Variants in ITIH5 observed in about 807,000 individuals in gnomAD.
ITIH5 encodes the protein inter-alpha-trypsin inhibitor heavy chain H5.
Under a neutral mutation model 77.5 loss-of-function variants are expected in ITIH5, and 65 were observed. The observed-to-expected ratio is 0.84, with a 90% CI of 0.69 to 1.03. The LOEUF is 1.03. Among genes scored for constraint, ITIH5 ranks in the 50% least tolerant of loss-of-function variants. ITIH5 has a pLI of 0.00. For missense variants in ITIH5, 1,208 were observed against 1,213.1 expected (o/e 1.00, Z 0.06); for synonymous variants, 525 against 494.3 (o/e 1.06, Z -0.82).
At chr10:7,644,923 T>A (rs184611099) in intron 2 of ITIH5, among the ~76,000 whole-genome samples, 3 of 53,972 alleles carry the variant, frequency 5.6e-5, no homozygotes, top group African/African-American at 1.8e-4. Flanking sequence ...CATATATATA[T>A]CACATATATA....
rs1833699816 is a variant in ITIH5, at chr10:7,630,811, C to CT, written c.652+6416dup. ...TTTTTTAAGAGCATAACCTGATACTCTATCTCTTTCTTTCGTGTTCTTAAC... is the reference window on the plus strand; with the variant it reads ...TTTTTTAAGAGCATAACCTGATACTCTTATCTCTTTCTTTCGTGTTCTTAAC... On this transcript the variant is annotated intron_variant, in intron 5 of 13. Transcript: ENST00000397146. 2.6e-5 allele frequency among the ~76,000 whole-genome samples: 4 copies of CT among 151,928 alleles called. No individual in the cohort carries two copies. In the South Asian group the frequency reaches 8.3e-4, roughly 32 times the overall value.
intron 7 of ITIH5, among the ~76,000 whole-genome samples, chr10:7,594,458 G>C (rs1832855676): frequency 6.6e-6 from 1 of 152,162 alleles, no homozygotes; most frequent in African/African-American, 2.4e-5. Flanking sequence ...AAACATACAT[G>C]TTGGAGTCAT....
intron 7 of ITIH5, among the ~76,000 whole-genome samples, chr10:7,610,397 G>A (rs919679592): frequency 4.6e-5 from 7 of 152,074 alleles, no homozygotes; most frequent in African/African-American, 1.7e-4. Flanking sequence ...TTTTTTTAAG[G>A]TTGAATGGTC....
chr10:7,661,133 T>C (rs556968422), intron 1 of ITIH5, among the ~76,000 whole-genome samples: 2 of 152,286 alleles, frequency 1.3e-5, no homozygotes, highest in Admixed American at 1.3e-4. Flanking sequence ...GCCTGGTGAT[T>C]TTAGGTGGAA....
At chr10:7,625,206 G>A (rs916378429) in intron 5 of ITIH5, among the ~76,000 whole-genome samples, 8 of 151,998 alleles carry the variant, frequency 5.3e-5, no homozygotes, top group Non-Finnish European at 2.9e-5. Context: ...GTACAACATG[G>A]ATAAACTTTG....
At chr10:7,626,323 A>T (rs1416516583) in intron 5 of ITIH5, among the ~76,000 whole-genome samples, 3 of 152,216 alleles carry the variant, frequency 2.0e-5, no homozygotes, top group Non-Finnish European at 4.4e-5. Flanking sequence ...TGACCGTGCC[A>T]CGCTCTTGGG....
At chr10:7,641,313 C>T (rs1833881045) in intron 3 of ITIH5, among the ~76,000 whole-genome samples, 1 of 152,070 alleles carries the variant, frequency 6.6e-6, no homozygotes, top group African/African-American at 2.4e-5. Context: ...AAGCTCTTCC[C>T]AGATCTCCCT....
chr10:7,614,710 A>G (rs1350384956), intron 7 of ITIH5, among the ~76,000 whole-genome samples: 2 of 152,222 alleles, frequency 1.3e-5, no homozygotes, highest in Non-Finnish European at 2.9e-5. Flanking sequence ...ATGGAAAACC[A>G]TGAAAGCCAT....
chr10:7,617,521 G>C, intron 5 of ITIH5: 1 of 326,374 alleles, frequency 3.1e-6, no homozygotes, highest in Non-Finnish European at 5.4e-6. Context: ...CAAAAGTAGA[G>C]AGAATAGTAA....
At chr10:7,584,597 A>G (rs1380556803) in intron 8 of ITIH5, among the ~76,000 whole-genome samples, 4 of 151,482 alleles carry the variant, frequency 2.6e-5, no homozygotes, top group Non-Finnish European at 5.9e-5. Context: ...GAGCCACCCC[A>G]CCCGGCCCAG....
In ITIH5 at chr10:7,560,028, T is replaced by G. The variant is rs775934130; in HGVS notation, c.*3055A>C. The G allele has an allele frequency of 1.9e-4, 64 of 343,096 alleles. No individual in the cohort carries two copies. Among genetic ancestry groups the G allele is most frequent in the Non-Finnish European group, 3.2e-4 (56 of 176,940 alleles). The allele number at this position is 343,096 out of a possible 1,614,324, so 21.3% of individuals were successfully genotyped here. A position where few individuals can be genotyped will look rare whatever the true frequency, so the allele number is the denominator to read the frequency against. Reference sequence around the variant, plus strand: ...CACCACGCCCAGCTAATTTTTGTATTTTTAGTAGAGACGAGGTTTCACCAT... The same window carrying G: ...CACCACGCCCAGCTAATTTTTGTATGTTTAGTAGAGACGAGGTTTCACCAT... On this transcript the variant is annotated 3_prime_UTR_variant, in exon 14 of 14. Transcript: ENST00000397146.
intron 13 of ITIH5, 112 bp from the exon 14 acceptor site, chr10:7,563,496 G>T: frequency 1.2e-6 from 1 of 835,624 alleles, no homozygotes. Context: ...CACAGCCCGA[G>T]ACTGGACTCT....
chr10:7,661,585 T>G (rs1465899663), intron 1 of ITIH5, among the ~76,000 whole-genome samples: 2 of 152,238 alleles, frequency 1.3e-5, no homozygotes, highest in African/African-American at 4.8e-5. Flanking sequence ...AAAGTAATGT[T>G]GCTGCAAGTT....
intron 5 of ITIH5, chr10:7,619,730 C>A (rs1833441669): frequency 5.4e-6 from 1 of 184,186 alleles, no homozygotes; most frequent in Non-Finnish European, 1.2e-5. Context: ...AACTCACTCA[C>A]TATCACGAGA....
chr10:7,617,112 C>A lies in ITIH5; in HGVS notation c.822+1G>T. On this transcript the variant is annotated splice_donor_variant, in intron 6 of 13. Coordinates refer to ENST00000397146, the MANE Select transcript of ITIH5 (RefSeq NM_030569.7). LOFTEE classifies it high-confidence loss of function. ...TGAAATAGCAACGACGATCCTATTA[C>A]CTGGATGTCCCCAATGCTCTGTTCT... 1.3e-6 allele frequency: 2 copies of A among 1,533,302 alleles called. No individual in the cohort carries two copies. The highest frequency in any genetic ancestry group is 1.7e-6 in the Non-Finnish European group (2 of 1,145,738). The allele number at this position is 1,533,302 out of a possible 1,614,324, so 95.0% of individuals were successfully genotyped here. A position where few individuals can be genotyped will look rare whatever the true frequency, so the allele number is the denominator to read the frequency against.
intron 5 of ITIH5, chr10:7,620,519 G>T (rs1053962570): frequency 2.0e-5 from 3 of 152,204 alleles, no homozygotes; most frequent in African/African-American, 7.2e-5. Context: ...GAAGGCAGTT[G>T]AATGAGGGTA....
chr10:7,646,272 T>C (rs184158587), intron 2 of ITIH5, among the ~76,000 whole-genome samples: 1 of 152,350 alleles, frequency 6.6e-6, no homozygotes, highest in African/African-American at 2.4e-5. Context: ...AAATTTAAAC[T>C]GGTGTTTTAA....
rs187175755 is a variant in ITIH5 at position 7,644,772 on chromosome 10, T to C, written c.136-2682A>G. Among the ~76,000 whole-genome samples, 365 of 141,998 alleles carry C rather than the reference T, an allele frequency of 2.6e-3. 3 individuals are homozygous for C. Among genetic ancestry groups the C allele is most frequent in the Middle Eastern group, 3.8e-3 (1 of 262 alleles). The allele number at this position is 141,998 out of a possible 152,430, so 93.2% of individuals were successfully genotyped here. Reference sequence around the variant, plus strand: ...TATCACATATATCACATATATATCATATATATCACATATATATCATATATA... The same window carrying C: ...TATCACATATATCACATATATATCACATATATCACATATATATCATATATA... On this transcript the variant is annotated intron_variant, in intron 2 of 13. Coordinates refer to ENST00000397146, the MANE Select transcript of ITIH5 (RefSeq NM_030569.7).
In ITIH5 at chr10:7,644,626, C is replaced by CATATATCACATATATATCAT. The variant is rs1158544099; in HGVS notation, c.136-2556_136-2537dup. ...TATCACATATATCACATATATATCACATATATCACATATATATCATATATA... is the reference window on the plus strand; with the variant it reads ...TATCACATATATCACATATATATCACATATATCACATATATATCATATATATCACATATATATCATATATA... On this transcript the variant is annotated intron_variant, in intron 2 of 13. Coordinates refer to ENST00000397146, the MANE Select transcript of ITIH5 (RefSeq NM_030569.7). Among the ~76,000 whole-genome samples the CATATATCACATATATATCAT allele has an allele frequency of 3.3e-3, 323 of 98,366 alleles. 3 individuals carry two copies. The highest frequency in any genetic ancestry group is 0.013 in the African/African-American group (284 of 22,532). 64.5% of individuals were successfully genotyped at this position (98,366 alleles called of 152,430 possible).
Sources: gnomAD v4.1 joint callset for allele counts (sites outside exome capture counted in the v4.1 genomes callset) on GRCh38, gnomAD v4.1.1 for gene constraint, MANE v1.5 for transcripts, NCBI Gene and HGNC (gene_info 2026-07-23, HGNC 2026-07-21) for gene names.